Variants in SYNPR observed in about 807,000 individuals in gnomAD.
SYNPR encodes the protein synaptoporin.
Under a neutral mutation model 32.9 loss-of-function variants are expected in SYNPR, and 23 were observed. The observed-to-expected ratio is 0.70, with a 90% CI of 0.50 to 0.99. The LOEUF (loss-of-function observed/expected upper bound fraction) is 0.99, where lower values mean the gene tolerates loss of function less well. SYNPR is among the 50% of genes least tolerant of loss of function. The pLI, the probability that SYNPR is intolerant of heterozygous loss-of-function variation, is 0.00. For synonymous variants in SYNPR, 146 were observed against 135.9 expected (o/e 1.07, Z -0.52); for missense variants, 318 against 349.3 (o/e 0.91, Z 0.71).
chr3:63,201,947 T>C, the SYNPR span, among the ~76,000 whole-genome samples: 2 of 152,192 alleles, frequency 1.3e-5, no homozygotes, highest in Non-Finnish European at 2.9e-5. Flanking sequence ...AGGTATGTAC[T>C]GGTTGAGATT....
At chr3:63,372,210 C>T (rs1001679319) in intron 2 of SYNPR, among the ~76,000 whole-genome samples, 1 of 151,996 alleles carries the variant, frequency 6.6e-6, no homozygotes, top group Non-Finnish European at 1.5e-5. Context: ...CTATGTCCAG[C>T]ATGACACAGT....
chr3:63,400,235 C>T (rs936162786), intron 2 of SYNPR, among the ~76,000 whole-genome samples: 5 of 152,188 alleles, frequency 3.3e-5, no homozygotes, highest in Non-Finnish European at 7.3e-5. Flanking sequence ...TCTATTGGTG[C>T]GTGACAAAAT....
intron 2 of SYNPR, among the ~76,000 whole-genome samples, chr3:63,433,159 T>G (rs570819452): frequency 1.3e-5 from 2 of 152,320 alleles, no homozygotes; most frequent in East Asian, 3.9e-4. Flanking sequence ...TGACTTTCCT[T>G]TTCTAACTAA....
chr3:63,413,052 C>A (rs1013236953), intron 2 of SYNPR, among the ~76,000 whole-genome samples: 1 of 152,108 alleles, frequency 6.6e-6, no homozygotes, highest in African/African-American at 2.4e-5. Context: ...TGAAGCACAA[C>A]AATTGAAAAA....
chr3:63,290,612 T>C (rs2086729221), intron 2 of SYNPR, among the ~76,000 whole-genome samples: 1 of 152,206 alleles, frequency 6.6e-6, no homozygotes, highest in Non-Finnish European at 1.5e-5. Context: ...GTATAAAAAA[T>C]TCAAATTCAG....
At chr3:63,375,197 T>C (rs2087871944) in intron 2 of SYNPR, among the ~76,000 whole-genome samples, 1 of 152,128 alleles carries the variant, frequency 6.6e-6, no homozygotes, top group African/African-American at 2.4e-5. Context: ...GAAATACCAT[T>C]TGACCCAGCA....
chr3:63,403,026 C>T (rs1443774000), intron 2 of SYNPR, among the ~76,000 whole-genome samples: 1 of 152,136 alleles, frequency 6.6e-6, no homozygotes, highest in Non-Finnish European at 1.5e-5. Context: ...AGAGACCATA[C>T]AGTAAACATT....
At chr3:63,568,383 C>T (rs749960105) in intron 4 of SYNPR, among the ~76,000 whole-genome samples, 6 of 152,158 alleles carry the variant, frequency 3.9e-5, no homozygotes, top group Non-Finnish European at 8.8e-5. Context: ...CCAAGAATAT[C>T]TATTAGCTTA....
At chr3:63,532,319 A>C (rs1046600502) in intron 3 of SYNPR, among the ~76,000 whole-genome samples, 1 of 152,214 alleles carries the variant, frequency 6.6e-6, no homozygotes, top group Non-Finnish European at 1.5e-5. Flanking sequence ...CTAATGTCTT[A>C]GAGGTTATCA....
chr3:63,513,143 C>T (rs542352937), intron 3 of SYNPR, among the ~76,000 whole-genome samples: 90 of 151,220 alleles, frequency 6.0e-4, no homozygotes, highest in African/African-American at 2.1e-3. Context: ...AAATTCTCCA[C>T]ATATCCCCCC....
rs1702769785 is a variant in SYNPR, at chr3:63,565,631, A to G, written c.408+8890A>G. ...AACACAAGGCTTTTCAAGAGGACAA[A>G]TTCAAATCCTAGCATTCTGCCCATG... On this transcript the variant is annotated intron_variant, in intron 4 of 5. Coordinates refer to ENST00000478300, the MANE Select transcript of SYNPR (RefSeq NM_001130003.2). Among the ~76,000 whole-genome samples, 4 of 152,268 alleles carry G rather than the reference A, an allele frequency of 2.6e-5. 1 individual carries two copies. Among genetic ancestry groups the G allele is most frequent in the South Asian group, 2.1e-4 (1 of 4,826 alleles).
chr3:63,583,907 G>A (rs112367068), intron 4 of SYNPR, among the ~76,000 whole-genome samples: 4,380 of 152,140 alleles, frequency 0.029, 109 homozygotes, highest in Non-Finnish European at 0.047. Context: ...CCTGGATTAA[G>A]GTGAGGAAGA....
At chr3:63,566,981 A>T (rs1559538655) in intron 4 of SYNPR, among the ~76,000 whole-genome samples, 1 of 151,982 alleles carries the variant, frequency 6.6e-6, no homozygotes, top group Non-Finnish European at 1.5e-5. Context: ...ATGGGTACAC[A>T]CTCTATTGAC....
chr3:63,584,766 A>G (rs1703154032), intron 4 of SYNPR, among the ~76,000 whole-genome samples: 1 of 152,136 alleles, frequency 6.6e-6, no homozygotes, highest in Non-Finnish European at 1.5e-5. Flanking sequence ...CAAATGAGAC[A>G]GAATGGCAAT....
At chr3:63,266,836 G>C (rs2086494492) in intron 2 of SYNPR, among the ~76,000 whole-genome samples, 1 of 152,060 alleles carries the variant, frequency 6.6e-6, no homozygotes, top group Admixed American at 6.5e-5. Flanking sequence ...ACGAGACCCA[G>C]TAGCCATGGT....
At chr3:63,342,931 G>C (rs1239783078) in intron 2 of SYNPR, among the ~76,000 whole-genome samples, 1 of 152,100 alleles carries the variant, frequency 6.6e-6, no homozygotes, top group Non-Finnish European at 1.5e-5. Flanking sequence ...TTATTCTTTT[G>C]TATGTGTTTT....
intron 3 of SYNPR, among the ~76,000 whole-genome samples, chr3:63,541,619 A>T (rs898519905): frequency 3.9e-5 from 6 of 152,022 alleles, no homozygotes; most frequent in African/African-American, 1.4e-4. Flanking sequence ...CTGCTAATAT[A>T]ATCCTCTTTT....
the SYNPR span, among the ~76,000 whole-genome samples, chr3:63,211,132 G>T: frequency 6.6e-6 from 1 of 152,086 alleles, no homozygotes; most frequent in Non-Finnish European, 1.5e-5. Context: ...GCAGTGGCGC[G>T]ATCTTGGCTC....
intron 3 of SYNPR, among the ~76,000 whole-genome samples, chr3:63,551,052 T>C (rs1702492580): frequency 6.6e-6 from 1 of 152,182 alleles, no homozygotes; most frequent in Non-Finnish European, 1.5e-5. Context: ...ACCATACAAT[T>C]TGCCCATTTA....
Sources: allele counts gnomAD v4.1 joint callset (sites outside exome capture counted in the v4.1 genomes callset), GRCh38; gene constraint gnomAD v4.1.1; transcripts MANE v1.5; gene names NCBI Gene and HGNC (gene_info 2026-07-23, HGNC 2026-07-21).